Variants in MBD6 observed in about 807,000 individuals in gnomAD.
MBD6 encodes methyl-CpG binding domain protein 6, also known as methyl-CpG-binding domain protein 6.
Under a neutral mutation model 66.8 loss-of-function variants are expected in MBD6, and 22 were observed. That is an observed-to-expected ratio of 0.33 (90% CI 0.24 to 0.47). MBD6 has a LOEUF of 0.47. Ranked by LOEUF, MBD6 falls within the 20% of genes least tolerant of loss-of-function variation. The pLI is 1.00. For synonymous variants in MBD6, 540 were observed against 534.6 expected (o/e 1.01, Z -0.14); for missense variants, 1,322 against 1,286.9 (o/e 1.03, Z -0.42).
intron 3 of MBD6, 125 bp downstream of exon 3, chr12:57,524,541 A>G: frequency 9.1e-7 from 1 of 1,093,256 alleles, no homozygotes; most frequent in South Asian, 1.3e-5. Context: ...TTCCTTCCTC[A>G]GCCTTTTTGC....
Position 57,529,406 on chromosome 12 carries a change from G to GA in MBD6, c.*172_*173insA, listed in dbSNP as rs1879372009. ...ATCCCATCCTGAGCCATTGCAGGGG[G>GA]CAGGGAAGTTCACCCCCCCCCACCA... On this transcript the variant is annotated 3_prime_UTR_variant, in exon 13 of 13. Coordinates refer to ENST00000355673, the MANE Select transcript of MBD6 (RefSeq NM_052897.4). The GA allele has an allele frequency of 1.7e-6, 1 of 586,790 alleles. No individual in the cohort carries two copies. The highest frequency in any genetic ancestry group is 1.9e-5 in the African/African-American group (1 of 52,546). The allele number at this position is 586,790 out of a possible 1,614,324, so 36.3% of individuals were successfully genotyped here. A position where few individuals can be genotyped will look rare whatever the true frequency, so the allele number is the denominator to read the frequency against.
At chr12:57,522,275 G>A (rs569526938), upstream of MBD6, among the ~76,000 whole-genome samples, 1 of 152,356 alleles carries the variant, frequency 6.6e-6, no homozygotes, top group South Asian at 2.1e-4. Context: ...CCTAAAGACA[G>A]ACCAGGTTGT....
chr12:57,530,571 C>T (rs1879578283), downstream of MBD6: 4 of 869,974 alleles, frequency 4.6e-6, no homozygotes, highest in Admixed American at 2.3e-5. Context: ...GAACCCTTGC[C>T]CCCAGTGTCA....
Position 57,527,228 on chromosome 12 carries a change from G to C in MBD6, c.2082+1G>C. On this transcript the variant is annotated splice_donor_variant, in intron 7 of 12. Transcript: ENST00000355673. LOFTEE classifies it high-confidence loss of function. ...TCCCCCCTCGGGGACACCCCCCCAG[G>C]TGAGGATGGGGGTGAGTAGGTGGGA... 1 of 1,500,748 alleles carries C rather than the reference G, an allele frequency of 6.7e-7. No homozygotes were observed. Among genetic ancestry groups the C allele is most frequent in the South Asian group, 1.4e-5 (1 of 74,072 alleles). 93.0% of individuals were successfully genotyped at this position (1,500,748 alleles called of 1,614,324 possible). A position where few individuals can be genotyped will look rare whatever the true frequency, so the allele number is the denominator to read the frequency against.
chr12:57,525,788 C>A lies in MBD6; in HGVS notation c.820C>A (p.Pro274Thr). 2 of 1,612,712 alleles carry A rather than the reference C, an allele frequency of 1.2e-6. No homozygotes were observed. Among genetic ancestry groups the A allele is most frequent in the Non-Finnish European group, 1.7e-6 (2 of 1,179,132 alleles). Residue 274 changes from proline (P) to threonine (T), a missense_variant, in exon 6 of 13, where the codon CCG becomes ACG. Pro to Thr is a conservative substitution (Grantham distance 38, BLOSUM62 -1). Transcript: ENST00000355673. ...SDALTPPPLP[P>T]SNNLPAHPGP... is the part of the protein sequence containing the mutation. Reference sequence around the variant, plus strand: ...TGCCTTAACACCCCCTCCCCTGCCCCCGAGCAATAATCTCCCCGCCCACCC... The same window carrying A: ...TGCCTTAACACCCCCTCCCCTGCCCACGAGCAATAATCTCCCCGCCCACCC...
Position 57,526,976 on chromosome 12 carries a change from CT to C in MBD6, c.1833del (p.Pro612HisfsTer63). The C allele has an allele frequency of 6.2e-7, 1 of 1,613,806 alleles. No homozygotes were observed. Among genetic ancestry groups the C allele is most frequent in the Non-Finnish European group, 8.5e-7 (1 of 1,179,966 alleles). ...GCTTCCTCCACCACCCTCAGACCTT[CT>C]TCCACCTCCTTCAGCACCTCCCAGC... Reference protein sequence around the residue: ...SLLPPPPSDLLPPPSAPPSNL... With the variant: ...SLLPPPPSDLXPPPSAPPSNL... On this transcript the variant is annotated frameshift_variant, in exon 7 of 13. Transcript: ENST00000355673. LOFTEE classifies it high-confidence loss of function.
chr12:57,530,646 A>G (rs115928982), downstream of MBD6: 2 of 1,534,680 alleles, frequency 1.3e-6, no homozygotes, highest in African/African-American at 1.4e-5. Flanking sequence ...AACAGAGTTC[A>G]CAGGGGTAGG....
chr12:57,524,629 G>A (rs1319001217), intron 3 of MBD6, 91 bp from the exon 4 acceptor site: 4 of 1,235,518 alleles, frequency 3.2e-6, no homozygotes, highest in Non-Finnish European at 4.8e-6. Context: ...TGTTCTTCTA[G>A]GAGGATCTGT....
chr12:57,525,743 C>T lies in MBD6; in HGVS notation c.775C>T (p.Pro259Ser), dbSNP rs1227229677. 3 of 1,614,054 alleles carry T rather than the reference C, an allele frequency of 1.9e-6. No homozygotes were observed. The highest frequency in any genetic ancestry group is 2.5e-6 in the Non-Finnish European group (3 of 1,179,970). The change falls in exon 6 of 13, where the codon CCT (proline) becomes TCT (serine). Residue 259 changes from proline to serine, a missense_variant. Transcript: ENST00000355673. Reference protein sequence around the residue: ...HASSSPPSDPPLFHCSDALTP... With the variant: ...HASSSPPSDPSLFHCSDALTP... ...CTCCTCCTCACCACCTTCAGACCCTCCTCTCTTCCACTGTAGTGATGCCTT... is the reference window on the plus strand; with the variant it reads ...CTCCTCCTCACCACCTTCAGACCCTTCTCTCTTCCACTGTAGTGATGCCTT...
chr12:57,529,726 C>T lies in MBD6; in HGVS notation c.*492C>T, dbSNP rs1879443707. On this transcript the variant is annotated 3_prime_UTR_variant, in exon 13 of 13. Transcript: ENST00000355673. The stretch of plus-strand genomic sequence containing the variant: ...CTCCCCTTACCCCTCCAACACCCCT[C>T]TGCCTCTGGCTCAGGTTGCTCAAAG... 1 of 158,882 alleles carries T rather than the reference C, an allele frequency of 6.3e-6. No individual in the cohort carries two copies. The highest frequency in any genetic ancestry group is 1.4e-5 in the Non-Finnish European group (1 of 71,380). The allele number at this position is 158,882 out of a possible 1,614,324, so 9.8% of individuals were successfully genotyped here.
intron 9 of MBD6, 29 bp from the exon 10 acceptor site, chr12:57,528,118 T>G: frequency 6.4e-7 from 1 of 1,558,920 alleles, no homozygotes; most frequent in Non-Finnish European, 8.6e-7. Flanking sequence ...TATTTGAGAT[T>G]GACTGAGAAC....
At chr12:57,530,634 T>G, downstream of MBD6, 1 of 1,460,302 alleles carries the variant, frequency 6.8e-7, no homozygotes, top group Non-Finnish European at 9.6e-7. Flanking sequence ...ATGTAAGCTG[T>G]TAACAGAGTT....
Position 57,526,676 on chromosome 12 carries a change from C to T in MBD6, c.1531C>T (p.Pro511Ser). ...GGCAGGCCCGGCCTGCCCTCTGCCT[C>T]CCCTGGCTGGTGGAGAGGCTTTCCC... ...MGAGPACPLP[P>S]LAGGEAFPFP... Residue 511 changes from proline to serine, a missense_variant, in exon 7 of 13, where the codon CCC (proline) becomes TCC (serine). By Grantham distance (74) the Pro-to-Ser change is moderately conservative. Transcript: ENST00000355673. 1 of 1,527,516 alleles carries T rather than the reference C, an allele frequency of 6.5e-7. No homozygotes were observed. Among genetic ancestry groups the T allele is most frequent in the African/African-American group, 1.4e-5 (1 of 71,958 alleles). 94.6% of individuals were successfully genotyped at this position (1,527,516 alleles called of 1,614,324 possible).
intron 1 of MBD6, among the ~76,000 whole-genome samples, chr12:57,523,784 C>A (rs970170668): frequency 5.3e-5 from 8 of 152,174 alleles, no homozygotes; most frequent in African/African-American, 1.9e-4. Flanking sequence ...GGAGGCCTTG[C>A]CCTTCATATG....
In MBD6 at chr12:57,528,236, T is replaced by A; in HGVS notation, c.2496T>A (p.Ser832Arg). The A allele has an allele frequency of 6.2e-7, 1 of 1,606,992 alleles. No homozygotes were observed. The highest frequency in any genetic ancestry group is 8.5e-7 in the Non-Finnish European group (1 of 1,177,072). The change falls in exon 10 of 13, where the codon AGT (serine) becomes AGA (arginine). Residue 832 changes from serine (S) to arginine (R), a missense_variant. Coordinates refer to ENST00000355673, the MANE Select transcript of MBD6 (RefSeq NM_052897.4). ...CAGAGCCTGCCAGGCCTCCCCTCAGTGCCTTAGCCCCACCCCATGGTTCTC... is the reference window on the plus strand; with the variant it reads ...CAGAGCCTGCCAGGCCTCCCCTCAGAGCCTTAGCCCCACCCCATGGTTCTC... Reference protein sequence around the residue: ...LEPEPARPPLSALAPPHGSPD... With the variant: ...LEPEPARPPLRALAPPHGSPD...
At chr12:57,522,113 AGAGTTT>A (rs1878387012), upstream of MBD6, 1 of 152,220 alleles carries the variant, frequency 6.6e-6, no homozygotes, top group Non-Finnish European at 1.5e-5. Flanking sequence ...GGGGGCAGCC[AGAGTTT>A]AAGTAGAAAC....
At chr12:57,522,761 G>GGCGGCGGCGGCGGCGGCGGCGGCA (rs1222804628), upstream of MBD6, 1 of 157,276 alleles carries the variant, frequency 6.4e-6, no homozygotes, top group Non-Finnish European at 1.4e-5. Context: ...CGGCAGCGAC[G>GGCGGCGGCGGCGGCGGCGGCGGCA]GCGGCGGCGG....
rs146463163 is a variant in MBD6, at chr12:57,528,702, C to T, written c.2857C>T (p.Arg953Cys). 1.2e-3 allele frequency: 1,886 copies of T among 1,613,970 alleles called. No individual in the cohort carries two copies. Among genetic ancestry groups the T allele is most frequent in the Non-Finnish European group, 1.5e-3 (1,724 of 1,180,024 alleles). The part of the protein sequence containing the change: ...PGVVRKSRRG[R>C]RRKYNPTRNS... ...AGTAGTCAGAAAGTCTCGTCGTGGC[C>T]GTAGGAGAAAATACAAGTGAGTGTT... The change falls in exon 11 of 13, where the codon CGT (arginine) becomes TGT (cysteine). Residue 953 changes from arginine to cysteine, a missense_variant. By Grantham distance (180) the Arg-to-Cys change is radical. Transcript: ENST00000355673.
At chr12:57,530,566 C>T (rs1404069648), downstream of MBD6, 4 of 841,756 alleles carry the variant, frequency 4.8e-6, no homozygotes, top group African/African-American at 5.1e-5. Flanking sequence ...AAGAAGAACC[C>T]TTGCCCCCAG....
Sources: gnomAD v4.1 joint callset for allele counts (sites outside exome capture counted in the v4.1 genomes callset) on GRCh38, gnomAD v4.1.1 for gene constraint, MANE v1.5 for transcripts, NCBI Gene and HGNC (gene_info 2026-07-23, HGNC 2026-07-21) for gene names.